KIF26B: variants seen among roughly 807,000 people sequenced by gnomAD.
KIF26B encodes the protein kinesin family member 26B.
A neutral mutation model predicts 151.2 loss-of-function variants in KIF26B; 63 were observed. The observed-to-expected ratio is 0.42, with a 90% CI of 0.34 to 0.51. The LOEUF (loss-of-function observed/expected upper bound fraction) is 0.51, where lower values mean the gene tolerates loss of function less well. Among genes scored for constraint, KIF26B ranks in the 20% least tolerant of loss-of-function variants. The pLI, the probability that KIF26B is intolerant of heterozygous loss-of-function variation, is 0.07. For synonymous variants in KIF26B, 1,357 were observed against 1,262.1 expected (o/e 1.08, Z -1.59); for missense variants, 2,813 against 2,913.6 (o/e 0.97, Z 0.79).
chr1:245,647,919 C>A (rs778726458), intron 10 of KIF26B, among the ~76,000 whole-genome samples: 2 of 152,230 alleles, frequency 1.3e-5, no homozygotes, highest in Middle Eastern at 3.4e-3. Context: ...TTGTAACAAC[C>A]CTTTTCTATG....
intron 2 of KIF26B, among the ~76,000 whole-genome samples, chr1:245,285,260 A>G (rs1176327410): frequency 2.0e-5 from 3 of 152,166 alleles, no homozygotes; most frequent in African/African-American, 7.2e-5. Flanking sequence ...CCTAGCAGAA[A>G]CATGCATGAG....
At chr1:245,194,616 C>T (rs1261043307) in intron 2 of KIF26B, among the ~76,000 whole-genome samples, 1 of 152,024 alleles carries the variant, frequency 6.6e-6, no homozygotes, top group Non-Finnish European at 1.5e-5. Flanking sequence ...GACCTCAGGC[C>T]ATCCACCCAC....
intron 2 of KIF26B, among the ~76,000 whole-genome samples, chr1:245,361,239 T>C (rs1672811299): frequency 6.6e-6 from 1 of 152,162 alleles, no homozygotes; most frequent in African/African-American, 2.4e-5. Context: ...CAGAACACGA[T>C]CGTTCAAACG....
At chr1:245,433,203 C>T (rs1476954250) in intron 4 of KIF26B, among the ~76,000 whole-genome samples, 4 of 152,102 alleles carry the variant, frequency 2.6e-5, no homozygotes, top group Admixed American at 6.5e-5. Flanking sequence ...CGGCGGCTCC[C>T]GCCTGTAATC....
At chr1:245,313,633 C>T (rs758486569) in intron 2 of KIF26B, among the ~76,000 whole-genome samples, 4 of 152,198 alleles carry the variant, frequency 2.6e-5, no homozygotes, top group Non-Finnish European at 5.9e-5. Context: ...TCCCCTTTAA[C>T]CATGTCCCTG....
At chr1:245,266,713 G>A (rs1021545996) in intron 2 of KIF26B, among the ~76,000 whole-genome samples, 6 of 152,018 alleles carry the variant, frequency 3.9e-5, no homozygotes, top group African/African-American at 9.7e-5. Flanking sequence ...CACCATCTTG[G>A]TCAGCCTGGT....
intron 10 of KIF26B, among the ~76,000 whole-genome samples, chr1:245,672,708 G>A (rs140590137): frequency 2.0e-5 from 3 of 152,162 alleles, no homozygotes; most frequent in East Asian, 3.9e-4. Context: ...ACCAAAGTCT[G>A]GAGGCTGGAA....
At chr1:245,183,209 C>T (rs1437698165) in intron 2 of KIF26B, among the ~76,000 whole-genome samples, 1 of 152,098 alleles carries the variant, frequency 6.6e-6, no homozygotes, top group Non-Finnish European at 1.5e-5. Flanking sequence ...GGGTATAAGT[C>T]TCTTATCAGA....
chr1:245,280,065 C>T (rs1277783473), intron 2 of KIF26B, among the ~76,000 whole-genome samples: 4 of 151,988 alleles, frequency 2.6e-5, no homozygotes, highest in East Asian at 2.0e-4. Flanking sequence ...GGTGATCTCT[C>T]CTCTTGAGGT....
chr1:245,531,120 A>G (rs1471649695), intron 4 of KIF26B, among the ~76,000 whole-genome samples: 2 of 152,312 alleles, frequency 1.3e-5, no homozygotes, highest in Non-Finnish European at 1.5e-5. Context: ...CCCCTATAAT[A>G]TGGAGATATG....
intron 4 of KIF26B, among the ~76,000 whole-genome samples, chr1:245,517,271 C>A (rs1489755134): frequency 6.6e-6 from 1 of 151,794 alleles, no homozygotes; most frequent in East Asian, 1.9e-4. Flanking sequence ...AGGAGAATCA[C>A]TTGAACCCAG....
At chr1:245,498,212 T>C (rs1172166250) in intron 4 of KIF26B, among the ~76,000 whole-genome samples, 2 of 152,218 alleles carry the variant, frequency 1.3e-5, no homozygotes, top group South Asian at 2.1e-4. Flanking sequence ...TGTCACACTT[T>C]ATATTCTAAT....
chr1:245,618,793 G>A (rs1428501864), intron 9 of KIF26B, among the ~76,000 whole-genome samples: 1 of 146,804 alleles, frequency 6.8e-6, no homozygotes, highest in African/African-American at 2.6e-5. Flanking sequence ...CACAGTGCTG[G>A]TGCTGTGTCC....
rs890024897 is a variant in KIF26B at position 245,240,460 on chromosome 1, A to G, written c.465+83777A>G. On this transcript the variant is annotated intron_variant, in intron 2 of 14. Coordinates refer to ENST00000407071, the MANE Select transcript of KIF26B (RefSeq NM_018012.4). The stretch of plus-strand genomic sequence containing the variant: ...AAGTCCTGGAATTTTAAAGTCCTGC[A>G]TTTTCGGTTCGTTTAGAGGAAGCTG... Among the ~76,000 whole-genome samples, 5 of 152,176 alleles carry G rather than the reference A, an allele frequency of 3.3e-5. No homozygotes were observed. The East Asian group carries it at 9.7e-4, about 29-fold the overall frequency.
chr1:245,231,499 G>C (rs1359976929), intron 2 of KIF26B, among the ~76,000 whole-genome samples: 1 of 152,092 alleles, frequency 6.6e-6, no homozygotes, highest in African/African-American at 2.4e-5. Context: ...CTGGGTGACA[G>C]AGCAAGACTT....
chr1:245,208,364 A>G (rs1247874306), intron 2 of KIF26B, among the ~76,000 whole-genome samples: 1 of 152,200 alleles, frequency 6.6e-6, no homozygotes, highest in Non-Finnish European at 1.5e-5. Context: ...TGATAACACC[A>G]GGCCCTTGTG....
In KIF26B at chr1:245,706,199, G is replaced by A. The variant is rs114068337; in HGVS notation, c.*3593G>A. 2.0e-5 allele frequency: 3 copies of A among 152,156 alleles called. No homozygotes were observed. The highest frequency in any genetic ancestry group is 7.2e-5 in the African/African-American group (3 of 41,436). 9.4% of individuals were successfully genotyped at this position (152,156 alleles called of 1,614,324 possible). On this transcript the variant is annotated 3_prime_UTR_variant, in exon 15 of 15. Transcript: ENST00000407071. ...CAGTCCAGCCGCATCTACCATCCAG[G>A]GTGGAGGTTCAAAAAGTCTTATACG...
chr1:245,585,533 A>G (rs570200767), intron 5 of KIF26B, among the ~76,000 whole-genome samples: 23 of 116,074 alleles, frequency 2.0e-4, no homozygotes, highest in East Asian at 1.9e-3. Context: ...TCCACTAGGG[A>G]AAAAAAAAAA....
chr1:245,314,903 A>G (rs1488584409), intron 2 of KIF26B, among the ~76,000 whole-genome samples: 2 of 152,232 alleles, frequency 1.3e-5, no homozygotes, highest in Admixed American at 6.5e-5. Context: ...CTTTAAGGCC[A>G]GGCGCGGTGG....
Sources: gnomAD v4.1 joint callset for allele counts (sites outside exome capture counted in the v4.1 genomes callset) on GRCh38, gnomAD v4.1.1 for gene constraint, MANE v1.5 for transcripts, NCBI Gene and HGNC (gene_info 2026-07-23, HGNC 2026-07-21) for gene names.